The following SMG1 variants were observed in gnomAD, a reference collection of about 807,000 sequenced individuals.
SMG1 encodes SMG1 nonsense mediated mRNA decay associated PI3K related kinase.
SMG1 carries 22 observed loss-of-function variants against 419.9 expected under a neutral mutation model. The ratio of observed to expected loss-of-function variants is 0.05; its 90% CI spans 0.04 to 0.07. The LOEUF is 0.07. Among genes scored for constraint, SMG1 ranks in the 10% least tolerant of loss-of-function variants. The probability of loss-of-function intolerance (pLI) is 1.00; values close to 1 mark genes in which losing one functional copy is unlikely to be tolerated. For missense variants in SMG1, 3,185 were observed against 4,342.0 expected (o/e 0.73, Z 7.49); for synonymous variants, 1,538 against 1,553.5 (o/e 0.99, Z 0.23).
rs1205283481 is a variant in SMG1, at chr16:18,882,073, G to T, written c.1293+92C>A. On this transcript the variant is annotated intron_variant, in intron 10 of 62. Transcript: ENST00000446231. ...ATACATACATGCTAAACAAATGAAGGATTAATAACAGTTCACCAGGTAAAG... is the reference window on the plus strand; with the variant it reads ...ATACATACATGCTAAACAAATGAAGTATTAATAACAGTTCACCAGGTAAAG... 8.3e-6 allele frequency: 7 copies of T among 841,376 alleles called. No individual in the cohort carries two copies. The African/African-American group carries it at 1.0e-4, about 12-fold the overall frequency. The allele number at this position is 841,376 out of a possible 1,614,324, so 52.1% of individuals were successfully genotyped here.
At chr16:18,839,597 G>T in intron 42 of SMG1, 101 bp downstream of exon 42, 1 of 1,462,614 alleles carries the variant, frequency 6.8e-7, no homozygotes, top group Non-Finnish European at 9.4e-7. Context: ...CAAGTCTGGA[G>T]GGACAGAGGA....
chr16:18,815,628 A>G lies in SMG1; in HGVS notation c.10326T>C (p.Asp3442=). Residue 3442 remains aspartate (D), a synonymous_variant, in exon 59 of 63, where the codon GAT becomes GAC. Transcript: ENST00000446231. ...TGTTCTCATAGGGAACATCTTCACC[A>G]TCTGCCAGAGCAGCTTCTTCATCCT... ...MAKDEEAALA[D]GEDVPYENSV... 1 of 1,613,906 alleles carries G rather than the reference A, an allele frequency of 6.2e-7. No homozygotes were observed. Among genetic ancestry groups the G allele is most frequent in the Middle Eastern group, 1.6e-4 (1 of 6,062 alleles).
chr16:18,847,904 C>T lies in SMG1; in HGVS notation c.5753G>A (p.Gly1918Glu), dbSNP rs753416813. The change falls in exon 37 of 63, where the codon GGA becomes GAA. Residue 1918 changes from glycine (G) to glutamate (E), a missense_variant. This residue lies in a region of SMG1 where 130 missense variants were observed against 162.0 expected (regional missense o/e 0.80). Transcript: ENST00000446231. ...QDSNKDEPKS[G>E]LNEDQAMMQD... Reference sequence around the variant, plus strand: ...CATCATGGCTTGGTCTTCATTTAATCCACTTTTAGGTTCATCCTTATTGCT... The same window carrying T: ...CATCATGGCTTGGTCTTCATTTAATTCACTTTTAGGTTCATCCTTATTGCT... 20 of 1,613,884 alleles carry T rather than the reference C, an allele frequency of 1.2e-5. No homozygotes were observed. The Admixed American group carries it at 3.2e-4, about 26-fold the overall frequency.
Position 18,808,997 on chromosome 16 carries a change from T to C in SMG1, c.*572A>G, listed in dbSNP as rs1459548874. 1 of 153,158 alleles carries C rather than the reference T, an allele frequency of 6.5e-6. No homozygotes were observed. Among genetic ancestry groups the C allele is most frequent in the Non-Finnish European group, 1.5e-5 (1 of 68,400 alleles). The allele number at this position is 153,158 out of a possible 1,614,324, so 9.5% of individuals were successfully genotyped here. A position where few individuals can be genotyped will look rare whatever the true frequency, so the allele number is the denominator to read the frequency against. ...CTGTAGTGTATCTGTTACATAGCTC[T>C]CCATTTTCAGTCCATTTCTGAAATT... On this transcript the variant is annotated 3_prime_UTR_variant, in exon 63 of 63. Coordinates refer to ENST00000446231, the MANE Select transcript of SMG1 (RefSeq NM_015092.5).
chr16:18,834,838 T>C, intron 49 of SMG1, 54 bp downstream of exon 49: 1 of 1,554,874 alleles, frequency 6.4e-7, no homozygotes, highest in East Asian at 2.3e-5. Context: ...ATTTTAGGTT[T>C]GGGATTAAAA....
At chr16:18,910,576 G>C (rs537220444) in intron 1 of SMG1, among the ~76,000 whole-genome samples, 2 of 151,626 alleles carry the variant, frequency 1.3e-5, no homozygotes, top group Admixed American at 6.6e-5. Flanking sequence ...TGTTACCCAG[G>C]CTGGTCTCCA....
In SMG1 at chr16:18,830,071, G is replaced by A; in HGVS notation, c.8988C>T (p.Ile2996=). Residue 2996 remains isoleucine (I), a synonymous_variant, in exon 53 of 63, where the codon ATC becomes ATT. Coordinates refer to ENST00000446231, the MANE Select transcript of SMG1 (RefSeq NM_015092.5). ...EIPIAWRKID[I]IREARSTQVN... ...CTTGAGTACTCCTGGCTTCCCTTATGATGTCAATCTTTCGCCAAGCTATGG... is the reference window on the plus strand; with the variant it reads ...CTTGAGTACTCCTGGCTTCCCTTATAATGTCAATCTTTCGCCAAGCTATGG... 6.2e-7 allele frequency: 1 copy of A among 1,604,810 alleles called. No homozygotes were observed. Among genetic ancestry groups the A allele is most frequent in the Non-Finnish European group, 8.5e-7 (1 of 1,175,434 alleles).
intron 1 of SMG1, among the ~76,000 whole-genome samples, chr16:18,905,746 A>G (rs1053490343): frequency 6.6e-6 from 1 of 151,450 alleles, no homozygotes; most frequent in Non-Finnish European, 1.5e-5. Flanking sequence ...CAAGTAGCTG[A>G]GATTACAGGC....
In SMG1 at chr16:18,805,861, T is replaced by G. The variant is rs1224879823; in HGVS notation, c.*3708A>C. 2 of 152,560 alleles carry G rather than the reference T, an allele frequency of 1.3e-5. No individual in the cohort carries two copies. Among genetic ancestry groups the G allele is most frequent in the African/African-American group, 4.8e-5 (2 of 41,472 alleles). 9.5% of individuals were successfully genotyped at this position (152,560 alleles called of 1,614,324 possible). A position where few individuals can be genotyped will look rare whatever the true frequency, so the allele number is the denominator to read the frequency against. ...TATGTAAAACAAAGATGCTTAAATG[T>G]GCGAATAGTAAAGCATTCACTGATA... is the stretch of plus-strand genomic sequence containing the variant. On this transcript the variant is annotated 3_prime_UTR_variant, in exon 63 of 63. Coordinates refer to ENST00000446231, the MANE Select transcript of SMG1 (RefSeq NM_015092.5).
In SMG1 at chr16:18,805,958, A is replaced by C. The variant is rs1282193177; in HGVS notation, c.*3611T>G. ...ATATGAAAATAATTGGGAGAAAAGA[A>C]GAACCAGCTCCTTTGATTTCAGTAC... On this transcript the variant is annotated 3_prime_UTR_variant, in exon 63 of 63. Coordinates refer to ENST00000446231, the MANE Select transcript of SMG1 (RefSeq NM_015092.5). 1 of 152,672 alleles carries C rather than the reference A, an allele frequency of 6.5e-6. No homozygotes were observed. The highest frequency in any genetic ancestry group is 1.5e-5 in the Non-Finnish European group (1 of 68,038). 9.5% of individuals were successfully genotyped at this position (152,672 alleles called of 1,614,324 possible).
At chr16:18,880,405 T>C (rs1457528832) in intron 10 of SMG1, among the ~76,000 whole-genome samples, 5 of 152,246 alleles carry the variant, frequency 3.3e-5, no homozygotes, top group African/African-American at 1.2e-4. Flanking sequence ...AGTCTACCCA[T>C]AGTTTTCATT....
chr16:18,914,127 T>C (rs763705676), intron 1 of SMG1, among the ~76,000 whole-genome samples: 38 of 150,958 alleles, frequency 2.5e-4, no homozygotes, highest in Non-Finnish European at 5.0e-4. Context: ...GATCGTGCCC[T>C]TGCACTCCAG....
At chr16:18,901,311 C>T (rs1178582515) in intron 1 of SMG1, among the ~76,000 whole-genome samples, 1 of 152,146 alleles carries the variant, frequency 6.6e-6, no homozygotes, top group Non-Finnish European at 1.5e-5. Flanking sequence ...GCAGCCTCGA[C>T]CTCATGGGTT....
At chr16:18,906,207 C>G (rs568144322) in intron 1 of SMG1, among the ~76,000 whole-genome samples, 2 of 151,976 alleles carry the variant, frequency 1.3e-5, no homozygotes, top group African/African-American at 2.4e-5. Context: ...GTACCAGCTG[C>G]GCACGGTGGT....
At chr16:18,916,774 A>G (rs2037999441) in intron 1 of SMG1, among the ~76,000 whole-genome samples, 1 of 152,098 alleles carries the variant, frequency 6.6e-6, no homozygotes, top group Non-Finnish European at 1.5e-5. Flanking sequence ...AAGATAGTCA[A>G]AGACAGGTAA....
rs555253801 is a variant in SMG1, at chr16:18,805,945, T to C, written c.*3624A>G. On this transcript the variant is annotated 3_prime_UTR_variant, in exon 63 of 63. Coordinates refer to ENST00000446231, the MANE Select transcript of SMG1 (RefSeq NM_015092.5). ...TGTAGGTGCTTTCATATGAAAATAA[T>C]TGGGAGAAAAGAAGAACCAGCTCCT... 1.3e-5 allele frequency: 2 copies of C among 152,716 alleles called. No individual in the cohort carries two copies. Among genetic ancestry groups the C allele is most frequent in the South Asian group, 4.1e-4 (2 of 4,824 alleles). The allele number at this position is 152,716 out of a possible 1,614,324, so 9.5% of individuals were successfully genotyped here.
intron 13 of SMG1, chr16:18,875,470 A>T (rs2141651829): frequency 6.5e-6 from 1 of 152,758 alleles, no homozygotes; most frequent in Non-Finnish European, 1.5e-5. Context: ...GCATGCCTGT[A>T]ATCCGAGCTA....
chr16:18,844,226 C>T lies in SMG1; in HGVS notation c.6219+1203G>A, dbSNP rs537684280. Among the ~76,000 whole-genome samples the T allele has an allele frequency of 2.7e-3, 406 of 151,942 alleles. 1 individual carries two copies. The highest frequency in any genetic ancestry group is 9.6e-3 in the African/African-American group (397 of 41,424). Reference sequence around the variant, plus strand: ...GGTGGATCACTTGAGGCCAGGAGTTCGAGACCAGCCTGGCCAACATGGTGA... The same window carrying T: ...GGTGGATCACTTGAGGCCAGGAGTTTGAGACCAGCCTGGCCAACATGGTGA... On this transcript the variant is annotated intron_variant, in intron 39 of 62. Coordinates refer to ENST00000446231, the MANE Select transcript of SMG1 (RefSeq NM_015092.5).
chr16:18,890,237 C>T (rs1296752853), intron 5 of SMG1, among the ~76,000 whole-genome samples: 1 of 152,202 alleles, frequency 6.6e-6, no homozygotes, highest in Non-Finnish European at 1.5e-5. Flanking sequence ...GTTTCAAATT[C>T]TCTAGTTTAC....
Sources: gnomAD v4.1 joint callset for allele counts (sites outside exome capture counted in the v4.1 genomes callset) on GRCh38, gnomAD v4.1.1 for gene constraint, gnomAD v4.1.1 regional missense constraint, MANE v1.5 for transcripts, NCBI Gene and HGNC (gene_info 2026-07-23, HGNC 2026-07-21) for gene names.